The following LINGO1 variants were observed in gnomAD, a reference collection of about 807,000 sequenced individuals.
LINGO1 encodes the protein leucine-rich repeat and immunoglobulin-like domain-containing nogo receptor-interacting protein 1.
LINGO1 carries 11 observed loss-of-function variants against 37.3 expected under a neutral mutation model. The ratio of observed to expected loss-of-function variants is 0.29; its 90% CI spans 0.19 to 0.49. The LOEUF is 0.49. LINGO1 is among the 20% of genes least tolerant of loss of function. The pLI is 0.99. For synonymous variants in LINGO1, 387 were observed against 403.0 expected (o/e 0.96, Z 0.48); for missense variants, 585 against 878.2 (o/e 0.67, Z 4.22).
chr15:77,705,719 C>T (rs2075844501), intron 2 of LINGO1, among the ~76,000 whole-genome samples: 1 of 152,262 alleles, frequency 6.6e-6, no homozygotes, highest in South Asian at 2.1e-4. Context: ...ATTCTGGATC[C>T]TCTCAGGCAC....
At chr15:77,634,029 A>G (rs1006229280), upstream of LINGO1, among the ~76,000 whole-genome samples, 2 of 152,182 alleles carry the variant, frequency 1.3e-5, no homozygotes, top group Non-Finnish European at 2.9e-5. Flanking sequence ...CCATTAGCAC[A>G]TGAATACTCC....
intron 2 of LINGO1, among the ~76,000 whole-genome samples, chr15:77,683,309 G>T (rs962790128): frequency 2.3e-4 from 35 of 152,150 alleles, no homozygotes; most frequent in African/African-American, 8.4e-4. Context: ...GAAGAGCAAG[G>T]TTGCTATAAA....
chr15:77,768,049 G>A (rs1016245852), intron 1 of LINGO1, among the ~76,000 whole-genome samples: 12 of 152,352 alleles, frequency 7.9e-5, no homozygotes, highest in Admixed American at 5.9e-4. Flanking sequence ...GAAGACTGTG[G>A]GTTTGTGACA....
intron 3 of LINGO1, among the ~76,000 whole-genome samples, chr15:77,640,695 C>T (rs972179786): frequency 6.6e-6 from 1 of 152,138 alleles, no homozygotes; most frequent in South Asian, 2.1e-4. Context: ...TCAGCACAGA[C>T]CAGGAGAGTC....
intron 1 of LINGO1, among the ~76,000 whole-genome samples, chr15:77,782,209 G>A (rs1049857438): frequency 5.6e-5 from 4 of 70,864 alleles, no homozygotes; most frequent in Non-Finnish European, 1.2e-4. Flanking sequence ...GTGTGCGCAC[G>A]CGTACACACA....
At chr15:77,623,900 GGTCTCTGTGTGT>G (rs1567461853) in intron 1 of LINGO1, among the ~76,000 whole-genome samples, 12 of 144,726 alleles carry the variant, frequency 8.3e-5, no homozygotes, top group African/African-American at 2.9e-4. Context: ...ATGTGTGTGT[GGTCTCTGTGTGT>G]GACTGATGTG....
At chr15:77,770,826 G>C (rs1030797485) in intron 1 of LINGO1, among the ~76,000 whole-genome samples, 2 of 152,340 alleles carry the variant, frequency 1.3e-5, no homozygotes, top group East Asian at 3.9e-4. Flanking sequence ...TGGCCTGGCA[G>C]GCTGCCATCC....
intron 1 of LINGO1, among the ~76,000 whole-genome samples, chr15:77,768,874 C>T (rs940840185): frequency 2.0e-5 from 3 of 152,224 alleles, no homozygotes; most frequent in African/African-American, 7.2e-5. Flanking sequence ...GGCACTGCAG[C>T]CTTGCGGGGC....
chr15:77,724,193 C>G (rs192936126), intron 2 of LINGO1, among the ~76,000 whole-genome samples: 1 of 152,208 alleles, frequency 6.6e-6, no homozygotes. Flanking sequence ...CCTCCAGGTA[C>G]CCCCATCCCA....
intron 2 of LINGO1, among the ~76,000 whole-genome samples, chr15:77,683,666 T>G (rs1395570294): frequency 6.6e-6 from 1 of 152,098 alleles, no homozygotes. Context: ...ACAATAAATA[T>G]GTTTGCAATA....
At chr15:77,664,170 T>TGTGTGTGTGCGCGCGCGCGC in intron 3 of LINGO1, among the ~76,000 whole-genome samples, 5 of 130,942 alleles carry the variant, frequency 3.8e-5, no homozygotes, top group African/African-American at 1.8e-4. Flanking sequence ...TGTGTGTGTG[T>TGTGTGTGTGCGCGCGCGCGC]GCGCGCGCGC....
At chr15:77,791,771 CT>C (rs776256381), upstream of LINGO1, among the ~76,000 whole-genome samples, 22 of 152,218 alleles carry the variant, frequency 1.4e-4, no homozygotes, top group Non-Finnish European at 2.5e-4. Context: ...CTCACACTTC[CT>C]GCTGACAGCA....
At chr15:77,805,568 G>A (rs1322866210) in intron 1 of LINGO1, among the ~76,000 whole-genome samples, 2 of 152,182 alleles carry the variant, frequency 1.3e-5, no homozygotes, top group African/African-American at 2.4e-5. Flanking sequence ...GTTGGCAGAC[G>A]AGAGCTGTGG....
At chr15:77,645,890 A>G (rs1286343550) in intron 3 of LINGO1, among the ~76,000 whole-genome samples, 1 of 152,230 alleles carries the variant, frequency 6.6e-6, no homozygotes, top group African/African-American at 2.4e-5. Flanking sequence ...TAAGATGCCA[A>G]GTGCCCTTAG....
At chr15:77,779,784 C>T (rs1001851006) in intron 1 of LINGO1, among the ~76,000 whole-genome samples, 24 of 152,188 alleles carry the variant, frequency 1.6e-4, no homozygotes, top group African/African-American at 5.8e-4. Context: ...TGGACCCCAG[C>T]CCTACTGGAA....
At chr15:77,747,955 T>G (rs2076331483) in intron 1 of LINGO1, among the ~76,000 whole-genome samples, 1 of 152,232 alleles carries the variant, frequency 6.6e-6, no homozygotes, top group Non-Finnish European at 1.5e-5. Flanking sequence ...GTGGCCATGC[T>G]GTGGGTCAGG....
intron 1 of LINGO1, among the ~76,000 whole-genome samples, chr15:77,751,561 T>G (rs1011175861): frequency 1.3e-5 from 2 of 152,126 alleles, no homozygotes; most frequent in African/African-American, 4.8e-5. Context: ...CTCCAGCCCA[T>G]CCCTGGAGGG....
At chr15:77,746,390 GTCT>G (rs1254820696) in intron 1 of LINGO1, among the ~76,000 whole-genome samples, 1 of 152,122 alleles carries the variant, frequency 6.6e-6, no homozygotes, top group Non-Finnish European at 1.5e-5. Context: ...AAAGCACTTA[GTCT>G]TCTTTCCACC....
At chr15:77,805,275 A>G (rs954804439) in intron 1 of LINGO1, among the ~76,000 whole-genome samples, 3 of 152,210 alleles carry the variant, frequency 2.0e-5, no homozygotes, top group African/African-American at 7.2e-5. Context: ...TCTAAAACAG[A>G]GTACAAAAAT....
Sources: gnomAD v4.1 joint callset for allele counts (sites outside exome capture counted in the v4.1 genomes callset) on GRCh38, gnomAD v4.1.1 for gene constraint, MANE v1.5 for transcripts, NCBI Gene and HGNC (gene_info 2026-07-23, HGNC 2026-07-21) for gene names.